LTBP1: variants seen among roughly 807,000 people sequenced by gnomAD.
LTBP1 encodes latent transforming growth factor beta binding protein 1.
LTBP1 carries 129 observed loss-of-function variants against 207.6 expected under a neutral mutation model. The ratio of observed to expected loss-of-function variants is 0.62; its 90% CI spans 0.54 to 0.72. LTBP1 has a LOEUF of 0.72. Ranked by LOEUF, LTBP1 falls within the 30% of genes least tolerant of loss-of-function variation. The pLI is 0.00. For missense variants in LTBP1, 2,281 were observed against 2,217.2 expected, an observed-to-expected ratio of 1.03 and a Z score of -0.58; for synonymous variants, 963 against 833.7, an observed-to-expected ratio of 1.16 and a Z score of -2.67.
intron 31 of LTBP1, among the ~76,000 whole-genome samples, chr2:33,369,534 T>C (rs960165689): frequency 6.6e-6 from 1 of 151,234 alleles, no homozygotes; most frequent in African/African-American, 2.4e-5. Flanking sequence ...TTGGAGTATA[T>C]AGGAATTAGG....
At chr2:32,949,497 C>T (rs1213714057) in intron 2 of LTBP1, among the ~76,000 whole-genome samples, 3 of 152,200 alleles carry the variant, frequency 2.0e-5, no homozygotes, top group Non-Finnish European at 4.4e-5. Flanking sequence ...TGCAGTGCTT[C>T]TGCAGTTCAC....
At chr2:33,319,354 C>T (rs571787795) in intron 24 of LTBP1, among the ~76,000 whole-genome samples, 10 of 151,524 alleles carry the variant, frequency 6.6e-5, no homozygotes, top group South Asian at 4.2e-4. Context: ...GCCGAGATTG[C>T]GCCATTGCAC....
At chr2:33,253,457 T>C (rs1347712671) in intron 11 of LTBP1, among the ~76,000 whole-genome samples, 12 of 152,146 alleles carry the variant, frequency 7.9e-5, no homozygotes, top group Admixed American at 7.9e-4. Context: ...TCTCTTTAAA[T>C]ACCTTCTACC....
chr2:33,399,074 A>G lies in LTBP1; in HGVS notation c.*529A>G, dbSNP rs2095383889. 6.6e-6 allele frequency: 1 copy of G among 152,628 alleles called. No individual in the cohort carries two copies. 9.5% of individuals were successfully genotyped at this position (152,628 alleles called of 1,614,324 possible). ...GGCCTGGAGCATTTTTGAAATTCAA[A>G]TTGTCTGTCCTGTGGAGCAGGCAGT... On this transcript the variant is annotated 3_prime_UTR_variant, in exon 34 of 34. Transcript: ENST00000404816.
chr2:33,232,653 A>G (rs80106834), intron 9 of LTBP1, among the ~76,000 whole-genome samples: 35 of 152,176 alleles, frequency 2.3e-4, no homozygotes, highest in Admixed American at 2.2e-3. Context: ...TGAATTTCAG[A>G]TAAACAACAA....
rs777573288 is a variant in LTBP1, at chr2:33,347,562, T to G, written c.4000+52T>G. On this transcript the variant is annotated intron_variant, in intron 26 of 33. Coordinates refer to ENST00000404816, the MANE Select transcript of LTBP1 (RefSeq NM_206943.4). ...GAATGACAGGCTCCTCTCAAAGACC[T>G]GCACCCACACAGCTTTGGGATAAAC... is the stretch of plus-strand genomic sequence containing the variant. The G allele has an allele frequency of 2.5e-6, 4 of 1,606,746 alleles. No individual in the cohort carries two copies. The Admixed American group carries it at 6.7e-5, about 27-fold the overall frequency.
chr2:33,027,562 C>G (rs187738295), intron 3 of LTBP1, among the ~76,000 whole-genome samples: 1 of 152,130 alleles, frequency 6.6e-6, no homozygotes, highest in African/African-American at 2.4e-5. Flanking sequence ...GAAGGCCGGG[C>G]GCAGTAGCTC....
chr2:33,306,215 C>G (rs76508817), intron 22 of LTBP1, among the ~76,000 whole-genome samples: 3,053 of 152,222 alleles, frequency 0.02, 42 homozygotes, highest in Middle Eastern at 0.11. Context: ...TGCTCTTTTC[C>G]CTCACATTCA....
Position 33,275,923 on chromosome 2 carries a change from G to T in LTBP1, c.2992G>T (p.Asp998Tyr). 1 of 1,583,830 alleles carries T rather than the reference G, an allele frequency of 6.3e-7. No homozygotes were observed. Residue 998 changes from aspartate (D) to tyrosine (Y), a missense_variant and splice_region_variant, in exon 18 of 34, where the codon GAT becomes TAT. Transcript: ENST00000404816. ...YRMTQRGRCE[D>Y]IDECLNPSTC... ...CATGACTCAGAGAGGCCGTTGTGAG[G>T]GTGAGTCAGCTGAGAGTGTTCAGCA...
chr2:33,060,495 C>G (rs975210591), intron 3 of LTBP1, among the ~76,000 whole-genome samples: 16 of 149,358 alleles, frequency 1.1e-4, no homozygotes, highest in African/African-American at 4.0e-4. Context: ...TTAATTTGGG[C>G]TGTGCTGAAA....
intron 22 of LTBP1, among the ~76,000 whole-genome samples, chr2:33,306,707 T>G (rs991774475): frequency 2.0e-5 from 3 of 152,146 alleles, no homozygotes; most frequent in African/African-American, 7.2e-5. Flanking sequence ...TTGAATTGAG[T>G]TTTTTATTTA....
intron 24 of LTBP1, among the ~76,000 whole-genome samples, chr2:33,321,532 T>A (rs553081198): frequency 1.3e-5 from 2 of 152,336 alleles, no homozygotes; most frequent in East Asian, 3.9e-4. Context: ...CACTTCTAGG[T>A]ACATTTTCTA....
chr2:33,088,021 C>T (rs1391511892), intron 3 of LTBP1, among the ~76,000 whole-genome samples: 1 of 152,162 alleles, frequency 6.6e-6, no homozygotes, highest in African/African-American at 2.4e-5. Flanking sequence ...TAGTAAACTT[C>T]AGTCTTTAGG....
rs1055338831 is a variant in LTBP1 at position 33,021,216 on chromosome 2, T to C, written c.863+10T>C. 1.2e-5 allele frequency: 19 copies of C among 1,572,610 alleles called. No individual in the cohort carries two copies. In the Admixed American group the frequency reaches 3.0e-4, roughly 25 times the overall value. On this transcript the variant is annotated intron_variant, in intron 3 of 33. Transcript: ENST00000404816. ...AGCAGATACATTCTCAGTGAGTGTT[T>C]CGAACTTTCATTTAGCTAAGGATCA...
At chr2:33,089,916 A>G (rs2078982569) in intron 3 of LTBP1, among the ~76,000 whole-genome samples, 1 of 152,260 alleles carries the variant, frequency 6.6e-6, no homozygotes. Flanking sequence ...TGATAAAGTT[A>G]CAACAGCCAC....
chr2:33,152,364 C>T (rs2083610849), intron 5 of LTBP1, among the ~76,000 whole-genome samples: 1 of 152,028 alleles, frequency 6.6e-6, no homozygotes, highest in African/African-American at 2.4e-5. Context: ...AACTACAGTG[C>T]GATACCACCT....
intron 10 of LTBP1, among the ~76,000 whole-genome samples, chr2:33,244,180 A>G (rs1040863060): frequency 6.6e-6 from 1 of 152,224 alleles, no homozygotes; most frequent in Non-Finnish European, 1.5e-5. Context: ...ACTGTGTCCC[A>G]GCTTCTGCCT....
At chr2:33,315,748 C>A (rs2094261091) in intron 24 of LTBP1, among the ~76,000 whole-genome samples, 1 of 152,094 alleles carries the variant, frequency 6.6e-6, no homozygotes, top group Middle Eastern at 3.2e-3. Context: ...CCAAGCCTGG[C>A]CAACATGGTG....
intron 26 of LTBP1, among the ~76,000 whole-genome samples, chr2:33,359,176 G>A (rs2094898357): frequency 6.6e-6 from 1 of 152,158 alleles, no homozygotes; most frequent in African/African-American, 2.4e-5. Context: ...CAGAGAATTG[G>A]CCAGAATCAA....
Sources: gnomAD v4.1 joint callset for allele counts (sites outside exome capture counted in the v4.1 genomes callset) on GRCh38, gnomAD v4.1.1 for gene constraint, MANE v1.5 for transcripts, NCBI Gene and HGNC (gene_info 2026-07-23, HGNC 2026-07-21) for gene names.